The following CDC123 variants were observed in gnomAD, a reference collection of about 807,000 sequenced individuals.
The protein encoded by CDC123 is translation initiation factor eIF2 assembly protein.
CDC123 carries 37 observed loss-of-function variants against 54.4 expected under a neutral mutation model. That is an observed-to-expected ratio of 0.68 (90% confidence interval 0.52 to 0.89). CDC123 has a LOEUF of 0.89. Ranked by LOEUF, CDC123 falls within the 40% of genes least tolerant of loss-of-function variation. The probability of loss-of-function intolerance (pLI) is 0.00; values close to 1 mark genes in which losing one functional copy is unlikely to be tolerated. For synonymous variants in CDC123, 144 were observed against 136.8 expected, an observed-to-expected ratio of 1.05 and a Z score of -0.37; for missense variants, 361 against 412.1, an observed-to-expected ratio of 0.88 and a Z score of 1.07.
intron 4 of CDC123, among the ~76,000 whole-genome samples, chr10:12,214,907 G>A (rs767514782): frequency 1.2e-4 from 18 of 152,080 alleles, no homozygotes; most frequent in African/African-American, 4.3e-4. Flanking sequence ...TAATGACTGC[G>A]TGGAGAATCT....
At chr10:12,236,938 A>G (rs1835985168) in intron 8 of CDC123, among the ~76,000 whole-genome samples, 1 of 152,150 alleles carries the variant, frequency 6.6e-6, no homozygotes, top group Non-Finnish European at 1.5e-5. Context: ...AAATTCTTCC[A>G]GAAGTAAGAA....
intron 8 of CDC123, among the ~76,000 whole-genome samples, 158 bp from the exon 9 acceptor site, chr10:12,236,986 T>C (rs1564257343): frequency 6.6e-6 from 1 of 152,258 alleles, no homozygotes; most frequent in Non-Finnish European, 1.5e-5. Flanking sequence ...CACCTGTTCA[T>C]ATGAATCCTT....
intron 6 of CDC123, among the ~76,000 whole-genome samples, chr10:12,217,854 A>G (rs941175904): frequency 6.6e-6 from 1 of 152,208 alleles, no homozygotes; most frequent in African/African-American, 2.4e-5. Context: ...TTGGGAGGCC[A>G]AGACAGGTGG....
At chr10:12,238,436 G>T in intron 9 of CDC123, 21 bp from the exon 10 acceptor site, 1 of 1,596,226 alleles carries the variant, frequency 6.3e-7, no homozygotes, top group South Asian at 1.1e-5. Context: ...ATTAATAACT[G>T]ACTTTTTTTC....
At chr10:12,209,877 A>G (rs1835573447) in intron 2 of CDC123, 90 bp from the exon 3 acceptor site, 2 of 1,259,896 alleles carry the variant, frequency 1.6e-6, no homozygotes, top group Non-Finnish European at 2.3e-6. Context: ...TTTTAAGGCT[A>G]TTTAAAAACA....
At chr10:12,201,869 G>A (rs1384936401) in intron 2 of CDC123, among the ~76,000 whole-genome samples, 1 of 152,126 alleles carries the variant, frequency 6.6e-6, no homozygotes, top group Non-Finnish European at 1.5e-5. Flanking sequence ...GGTGACAGTG[G>A]GGTTGAGGGA....
chr10:12,205,736 CTTTATCCATT>C (rs1835510276), intron 2 of CDC123, among the ~76,000 whole-genome samples: 1 of 151,994 alleles, frequency 6.6e-6, no homozygotes. Context: ...TAGCACCATA[CTTTATCCATT>C]TAGTTCTCTG....
chr10:12,233,470 A>G (rs1835931636), intron 7 of CDC123, among the ~76,000 whole-genome samples: 1 of 152,156 alleles, frequency 6.6e-6, no homozygotes, highest in African/African-American at 2.4e-5. Flanking sequence ...GTGAAAATCA[A>G]CCACAGTGTA....
rs192948895 is a variant in CDC123 at position 12,199,331 on chromosome 10, G to A, written c.146+555G>A. Among the ~76,000 whole-genome samples the A allele has an allele frequency of 2.0e-3, 303 of 152,222 alleles. 2 individuals carry two copies. Among genetic ancestry groups the A allele is most frequent in the Admixed American group, 4.3e-3 (65 of 15,284 alleles). On this transcript the variant is annotated intron_variant, in intron 2 of 12. Coordinates refer to ENST00000281141, the MANE Select transcript of CDC123 (RefSeq NM_006023.3). ...TAGTGAAGTTCTCATTTTTTAATTC[G>A]AGTCTGCTCAGAAGTCACGTTATGA... is the stretch of plus-strand genomic sequence containing the variant.
Position 12,237,160 on chromosome 10 carries a change from C to G in CDC123, c.582C>G (p.Asp194Glu). The G allele has an allele frequency of 1.3e-6, 2 of 1,548,626 alleles. No individual in the cohort carries two copies. ...TCTTGTCAGGTATTTCTCAAAGAGA[C>G]TACACACAATACTATGATCATATTT... ...ENKLIGISQR[D>E]YTQYYDHISK... Residue 194 changes from aspartate (D) to glutamate (E), a missense_variant, in exon 9 of 13, where the codon GAC (aspartate) becomes GAG (glutamate). By Grantham distance (45) the Asp-to-Glu change is conservative. Transcript: ENST00000281141.
chr10:12,246,359 C>A, intron 11 of CDC123, 82 bp downstream of exon 11: 1 of 1,498,440 alleles, frequency 6.7e-7, no homozygotes, highest in Non-Finnish European at 9.2e-7. Context: ...CATAGGTAGG[C>A]GGCAATGGCC....
At chr10:12,217,700 A>G (rs1298085197) in intron 6 of CDC123, among the ~76,000 whole-genome samples, 7 of 152,230 alleles carry the variant, frequency 4.6e-5, no homozygotes, top group Non-Finnish European at 2.9e-5. Context: ...CCCATTAAAC[A>G]TTTCAGTAAT....
intron 2 of CDC123, among the ~76,000 whole-genome samples, chr10:12,200,578 A>G (rs1835427060): frequency 6.6e-6 from 1 of 152,224 alleles, no homozygotes; most frequent in Non-Finnish European, 1.5e-5. Context: ...AGCTCCTATG[A>G]TGATTCTCCC....
At position 12,240,649 on chromosome 10, in the gene CDC123, G is replaced by C. The variant is rs139409288; in HGVS notation, c.717+2164G>C. The stretch of plus-strand genomic sequence containing the variant: ...AGCATTTTGGGAGGCTGAGGTGGGA[G>C]GATGGCTTGAGCCCAGGAGTTTGAG... On this transcript the variant is annotated intron_variant, in intron 10 of 12. Coordinates refer to ENST00000281141, the MANE Select transcript of CDC123 (RefSeq NM_006023.3). Among the ~76,000 whole-genome samples, 757 of 152,326 alleles carry C rather than the reference G, an allele frequency of 5.0e-3. 5 individuals are homozygous for C. Among genetic ancestry groups the C allele is most frequent in the South Asian group, 0.035 (169 of 4,828 alleles).
chr10:12,196,266 T>G lies in CDC123; in HGVS notation c.21T>G (p.Leu7=), dbSNP rs1466844228. 9.3e-6 allele frequency: 15 copies of G among 1,613,808 alleles called. No homozygotes were observed. The South Asian group carries it at 1.5e-4, about 17-fold the overall frequency. Residue 7 remains leucine, a synonymous_variant, in exon 1 of 13, where the codon CTT becomes CTG. Coordinates refer to ENST00000281141, the MANE Select transcript of CDC123 (RefSeq NM_006023.3). MKKEHV[L]HCQFSAWYPF... ...GGAGGATGAAGAAGGAGCATGTGCT[T>G]CACTGCCAGTTCTCCGCGTGGTACC...
chr10:12,226,137 A>G (rs1835809530), intron 6 of CDC123, among the ~76,000 whole-genome samples: 1 of 152,196 alleles, frequency 6.6e-6, no homozygotes, highest in Non-Finnish European at 1.5e-5. Context: ...ACAGAACAAA[A>G]TGGAGTCTCC....
intron 4 of CDC123, among the ~76,000 whole-genome samples, chr10:12,215,089 C>A (rs938839518): frequency 6.6e-6 from 1 of 152,126 alleles, no homozygotes; most frequent in African/African-American, 2.4e-5. Context: ...CTATTCACTT[C>A]CGGGTCGAAA....
In CDC123 at chr10:12,198,406, A is replaced by G. The variant is rs117187514; in HGVS notation, c.75-299A>G. ...CTGGTCTCTGATTTCTTAAAGACAC[A>G]TAAATGTTGTGCTCACTCAGAATCC... On this transcript the variant is annotated intron_variant, in intron 1 of 12. Coordinates refer to ENST00000281141, the MANE Select transcript of CDC123 (RefSeq NM_006023.3). Among the ~76,000 whole-genome samples the G allele has an allele frequency of 5.8e-4, 89 of 152,334 alleles. No homozygotes were observed. In the East Asian group the frequency reaches 0.015, roughly 25 times the overall value.
chr10:12,231,190 A>G (rs746901172), intron 7 of CDC123, among the ~76,000 whole-genome samples, 194 bp downstream of exon 7: 50 of 152,226 alleles, frequency 3.3e-4, no homozygotes, highest in Non-Finnish European at 4.7e-4. Flanking sequence ...TACCAAATAC[A>G]TGTATGCAGT....
Sources: allele counts gnomAD v4.1 joint callset (sites outside exome capture counted in the v4.1 genomes callset), GRCh38; gene constraint gnomAD v4.1.1; transcripts MANE v1.5; gene names NCBI Gene and HGNC (gene_info 2026-07-23, HGNC 2026-07-21).